The following PTPRQ variants were observed in gnomAD, a reference collection of about 807,000 sequenced individuals.
PTPRQ encodes phosphatidylinositol phosphatase PTPRQ.
A neutral mutation model predicts 246.0 loss-of-function variants in PTPRQ; 199 were observed. The ratio of observed to expected loss-of-function variants is 0.81; its 90% CI spans 0.72 to 0.91. The LOEUF (loss-of-function observed/expected upper bound fraction) is 0.91. Ranked by LOEUF, PTPRQ falls within the 40% of genes least tolerant of loss-of-function variation. The pLI, the probability that PTPRQ is intolerant of heterozygous loss-of-function variation, is 0.00. For missense variants in PTPRQ, 2,624 were observed against 2,528.4 expected, an observed-to-expected ratio of 1.04 and a Z score of -0.81; for synonymous variants, 869 against 853.2, an observed-to-expected ratio of 1.02 and a Z score of -0.32.
chr12:80,473,221 A>G (rs1325772941), intron 8 of PTPRQ, among the ~76,000 whole-genome samples: 1 of 152,204 alleles, frequency 6.6e-6, no homozygotes, highest in African/African-American at 2.4e-5. Flanking sequence ...TCAGATGAAA[A>G]TCCTGACATA....
Position 80,560,754 on chromosome 12 carries a change from C to T in PTPRQ, c.4285+11020C>T, listed in dbSNP as rs140660332. Among the ~76,000 whole-genome samples, 1,069 of 152,336 alleles carry T rather than the reference C, an allele frequency of 7.0e-3. 13 individuals carry two copies. Among genetic ancestry groups the T allele is most frequent in the South Asian group, 0.033 (160 of 4,824 alleles). ...ACAGAAGTCATATTTTGCTAAATAG[C>T]TGCTCCAGCTGTTTTTTTCTTTGGA... is the stretch of plus-strand genomic sequence containing the variant. On this transcript the variant is annotated intron_variant, in intron 25 of 44. Coordinates refer to ENST00000644991, the MANE Select transcript of PTPRQ (RefSeq NM_001145026.2).
intron 17 of PTPRQ, chr12:80,512,831 T>C (rs1895161399): frequency 6.6e-6 from 1 of 152,152 alleles, no homozygotes; most frequent in Non-Finnish European, 1.5e-5. Context: ...GTAGTCTGGG[T>C]ACAGGGGAAG....
intron 8 of PTPRQ, among the ~76,000 whole-genome samples, chr12:80,475,478 C>T (rs1893780364): frequency 1.3e-5 from 2 of 152,002 alleles, no homozygotes; most frequent in African/African-American, 4.8e-5. Context: ...ACCTTCAAAA[C>T]TGATGCTGAA....
chr12:80,560,085 A>G (rs1385459442), intron 25 of PTPRQ, among the ~76,000 whole-genome samples: 2 of 152,226 alleles, frequency 1.3e-5, no homozygotes, highest in East Asian at 1.9e-4. Context: ...TAGTGACAAT[A>G]ACAAACATGA....
At chr12:80,503,494 T>A (rs890569187) in intron 14 of PTPRQ, among the ~76,000 whole-genome samples, 26 of 151,862 alleles carry the variant, frequency 1.7e-4, no homozygotes, top group African/African-American at 6.3e-4. Context: ...ATCTACATTT[T>A]TAAGGCTTCT....
chr12:80,555,473 A>AT lies in PTPRQ; in HGVS notation c.4285+5741dup, dbSNP rs138399815. Among the ~76,000 whole-genome samples the AT allele has an allele frequency of 4.4e-3, 664 of 152,316 alleles. 28 individuals carry two copies. In the South Asian group the frequency reaches 0.071, roughly 16 times the overall value. On this transcript the variant is annotated intron_variant, in intron 25 of 44. Transcript: ENST00000644991. ...AACTGCTGCCCTTCTATGGCTACAA[A>AT]TTAGTGCACTAAATCAAAAGTTCAC...
intron 19 of PTPRQ, among the ~76,000 whole-genome samples, chr12:80,536,435 G>A (rs1895990385): frequency 6.6e-6 from 1 of 152,208 alleles, no homozygotes; most frequent in Admixed American, 6.5e-5. Flanking sequence ...ACCTAGCAGG[G>A]AGAAAGACAA....
At chr12:80,678,075 G>C (rs115676433) in intron 43 of PTPRQ, among the ~76,000 whole-genome samples, 1,677 of 152,220 alleles carry the variant, frequency 0.011, 31 homozygotes, top group African/African-American at 0.038. Flanking sequence ...ATGACCCACT[G>C]CCTTGTATTT....
intron 25 of PTPRQ, among the ~76,000 whole-genome samples, chr12:80,575,677 T>C (rs903260405): frequency 2.6e-5 from 4 of 151,342 alleles, no homozygotes; most frequent in Admixed American, 1.3e-4. Context: ...CTGTCTCTAC[T>C]AAAAATACAA....
chr12:80,668,248 T>C (rs915371519), intron 39 of PTPRQ, among the ~76,000 whole-genome samples: 3 of 151,942 alleles, frequency 2.0e-5, no homozygotes, highest in Admixed American at 6.6e-5. Context: ...TCAAGTGTCA[T>C]GCTTTTATGT....
At chr12:80,589,035 G>A (rs1897708953) in intron 26 of PTPRQ, among the ~76,000 whole-genome samples, 1 of 152,156 alleles carries the variant, frequency 6.6e-6, no homozygotes, top group Admixed American at 6.5e-5. Context: ...AAATTGTTTT[G>A]CCATCTATAC....
rs1232561130 is a variant in PTPRQ at position 80,541,556 on chromosome 12, A to G, written c.3156A>G (p.Ile1052Met). 3 of 1,509,766 alleles carry G rather than the reference A, an allele frequency of 2.0e-6. No individual in the cohort carries two copies. Among genetic ancestry groups the G allele is most frequent in the Non-Finnish European group, 2.7e-6 (3 of 1,127,020 alleles). The allele number at this position is 1,509,766 out of a possible 1,614,324, so 93.5% of individuals were successfully genotyped here. Reference protein sequence around the residue: ...DIIEVYTDQDIPEGFVGNLTY... With the variant: ...DIIEVYTDQDMPEGFVGNLTY... ...TATTTTGCCCATTACCTATCATAGT[A>G]CCTGAAGGGTTTGTTGGAAACCTGA... The change falls in exon 21 of 45, where the codon ATA becomes ATG. Residue 1052 changes from isoleucine (I) to methionine (M), a missense_variant and splice_region_variant. Ile to Met is a conservative substitution (Grantham distance 10). Transcript: ENST00000644991.
intron 24 of PTPRQ, among the ~76,000 whole-genome samples, chr12:80,547,483 A>C (rs1896341688): frequency 6.6e-6 from 1 of 152,092 alleles, no homozygotes; most frequent in South Asian, 2.1e-4. Context: ...CTTTAAATCG[A>C]GATTGTAGAC....
At chr12:80,513,822 C>G (rs1439639943) in intron 17 of PTPRQ, among the ~76,000 whole-genome samples, 1 of 152,148 alleles carries the variant, frequency 6.6e-6, no homozygotes, top group African/African-American at 2.4e-5. Context: ...TTCTAGTCCC[C>G]TGGTTCCCTA....
intron 25 of PTPRQ, among the ~76,000 whole-genome samples, chr12:80,551,036 C>T (rs1896459954): frequency 6.6e-6 from 1 of 152,054 alleles, no homozygotes; most frequent in Admixed American, 6.6e-5. Flanking sequence ...TGTTCATTTT[C>T]ATTTTAATCT....
At chr12:80,627,863 C>G (rs1362972875) in intron 33 of PTPRQ, among the ~76,000 whole-genome samples, 1 of 152,092 alleles carries the variant, frequency 6.6e-6, no homozygotes, top group Non-Finnish European at 1.5e-5. Flanking sequence ...CCATGCATAA[C>G]AGTGAATCAG....
intron 39 of PTPRQ, among the ~76,000 whole-genome samples, chr12:80,666,250 G>T (rs940688402): frequency 2.0e-5 from 3 of 152,004 alleles, no homozygotes. Context: ...AAAGAATAAA[G>T]TCCTGTCATT....
Position 80,613,477 on chromosome 12 carries a change from TG to T in PTPRQ, c.4919-113del, listed in dbSNP as rs1898631686. 3 of 1,098,936 alleles carry T rather than the reference TG, an allele frequency of 2.7e-6. No homozygotes were observed. In the African/African-American group the frequency reaches 4.8e-5, roughly 18 times the overall value. 68.1% of individuals were successfully genotyped at this position (1,098,936 alleles called of 1,614,324 possible). The stretch of plus-strand genomic sequence containing the variant: ...ATTTTGCTAGTTTTTGCAGTTTATA[TG>T]GTTTAATTTGTGGAATACTCTTTAA... On this transcript the variant is annotated intron_variant, in intron 28 of 44. Transcript: ENST00000644991.
At chr12:80,593,528 C>A (rs926649686) in intron 26 of PTPRQ, 3 of 152,166 alleles carry the variant, frequency 2.0e-5, no homozygotes, top group African/African-American at 7.2e-5. Flanking sequence ...CTTTCTCTCA[C>A]ATGCTCTCAC....
Sources: allele counts gnomAD v4.1 joint callset (sites outside exome capture counted in the v4.1 genomes callset), GRCh38; gene constraint gnomAD v4.1.1; transcripts MANE v1.5; gene names NCBI Gene and HGNC (gene_info 2026-07-23, HGNC 2026-07-21).